KLRG1: variants seen among roughly 807,000 people sequenced by gnomAD.
KLRG1 encodes killer cell lectin like receptor G1, also known as killer cell lectin-like receptor subfamily G member 1.
KLRG1 carries 16 observed loss-of-function variants against 21.8 expected under a neutral mutation model. The ratio of observed to expected loss-of-function variants is 0.73; its 90% CI spans 0.50 to 1.11. KLRG1 has a LOEUF of 1.11. Among genes scored for constraint, KLRG1 ranks in the 50% most tolerant of loss-of-function variants. KLRG1 has a pLI of 0.00. For synonymous variants in KLRG1, 69 were observed against 75.9 expected (o/e 0.91, Z 0.47); for missense variants, 173 against 218.3 (o/e 0.79, Z 1.31).
downstream of KLRG1, among the ~76,000 whole-genome samples, chr12:9,015,617 A>G (rs1947689388): frequency 6.6e-6 from 1 of 152,224 alleles, no homozygotes; most frequent in Non-Finnish European, 1.5e-5. Context: ...CAGAACATCA[A>G]CAAAGAAACA....
chr12:9,106,606 C>T, the KLRG1 span: 2 of 1,503,764 alleles, frequency 1.3e-6, no homozygotes, highest in East Asian at 4.7e-5. Context: ...GGCTGTTTAG[C>T]TAAGAAGGGA....
intron 1 of KLRG1, among the ~76,000 whole-genome samples, chr12:8,965,537 C>A (rs1946455059): frequency 6.6e-6 from 1 of 152,052 alleles, no homozygotes; most frequent in South Asian, 2.1e-4. Flanking sequence ...TTCTTATACA[C>A]CAATAACAGA....
the KLRG1 span, among the ~76,000 whole-genome samples, chr12:9,054,709 G>T: frequency 1.6e-4 from 25 of 152,170 alleles, no homozygotes; most frequent in African/African-American, 6.0e-4. Flanking sequence ...GGTAAAATTG[G>T]TTTTGTTCTA....
At chr12:8,971,025 T>C (rs1322307297) in intron 1 of KLRG1, 3 of 152,200 alleles carry the variant, frequency 2.0e-5, no homozygotes, top group African/African-American at 7.2e-5. Context: ...TTCATGTCTA[T>C]AATCTTGAAG....
At chr12:9,043,233 C>T in the KLRG1 span, among the ~76,000 whole-genome samples, 4 of 151,970 alleles carry the variant, frequency 2.6e-5, no homozygotes, top group Non-Finnish European at 5.9e-5. Context: ...CCCACCACCA[C>T]GCCGGTTAAT....
chr12:9,077,911 C>T, the KLRG1 span: 2 of 1,608,686 alleles, frequency 1.2e-6, no homozygotes, highest in Middle Eastern at 1.7e-4. Flanking sequence ...GGTTTTATAA[C>T]CACTTCACAG....
chr12:9,143,696 G>A, the KLRG1 span, among the ~76,000 whole-genome samples: 6 of 152,166 alleles, frequency 3.9e-5, no homozygotes, highest in Non-Finnish European at 7.4e-5. Context: ...TGCCATTTTC[G>A]GGCCATTAGC....
the KLRG1 span, chr12:9,072,319 G>T: frequency 6.2e-7 from 1 of 1,605,132 alleles, no homozygotes; most frequent in Admixed American, 1.7e-5. Context: ...AAGACTGGTG[G>T]TTATTCTTAG....
chr12:9,074,705 G>A, the KLRG1 span: 1 of 1,614,000 alleles, frequency 6.2e-7, no homozygotes, highest in Non-Finnish European at 8.5e-7. Flanking sequence ...CTCCACCTCA[G>A]CAGAGGGAGC....
At position 9,010,265 on chromosome 12, in the gene KLRG1, A is replaced by G. The variant is rs1014114267; in HGVS notation, c.*728A>G. 40 of 470,880 alleles carry G rather than the reference A, an allele frequency of 8.5e-5. No homozygotes were observed. The highest frequency in any genetic ancestry group is 2.2e-4 in the Admixed American group (6 of 27,458). The allele number at this position is 470,880 out of a possible 1,614,324, so 29.2% of individuals were successfully genotyped here. A position where few individuals can be genotyped will look rare whatever the true frequency, so the allele number is the denominator to read the frequency against. The stretch of plus-strand genomic sequence containing the variant: ...GGCAAGGTGGTACTTCCTCCTTCTG[A>G]GCTCTTCACACGTAATGCAAAAACC... On this transcript the variant is annotated 3_prime_UTR_variant, in exon 5 of 5. Transcript: ENST00000356986.
the KLRG1 span, among the ~76,000 whole-genome samples, chr12:9,040,201 G>A: frequency 6.6e-6 from 1 of 152,156 alleles, no homozygotes; most frequent in Non-Finnish European, 1.5e-5. Flanking sequence ...TTCAGTATAT[G>A]GCACAGACTC....
the KLRG1 span, among the ~76,000 whole-genome samples, chr12:9,084,839 T>C: frequency 3.3e-5 from 5 of 152,110 alleles, no homozygotes; most frequent in African/African-American, 1.2e-4. Flanking sequence ...AGGAAAAAGA[T>C]GTTCTAGGTA....
chr12:9,139,531 A>G, the KLRG1 span, among the ~76,000 whole-genome samples: 2 of 152,142 alleles, frequency 1.3e-5, no homozygotes, highest in Admixed American at 1.3e-4. Context: ...ATAGTATTGA[A>G]GTTTCCTACT....
the KLRG1 span, chr12:9,192,074 T>C: frequency 1.2e-6 from 1 of 816,880 alleles, no homozygotes. Context: ...AGTATTTTCC[T>C]GCGTGTCCTC....
chr12:9,149,439 G>A, the KLRG1 span: 17 of 965,228 alleles, frequency 1.8e-5, no homozygotes, highest in Non-Finnish European at 1.5e-6. Context: ...GTCTTGGTGT[G>A]AGGACATGCC....
the KLRG1 span, among the ~76,000 whole-genome samples, chr12:9,190,827 AAG>A: frequency 4.6e-5 from 7 of 152,220 alleles, no homozygotes; most frequent in Non-Finnish European, 1.0e-4. Flanking sequence ...ATAGTGTGAA[AAG>A]AGAACAATAT....
the KLRG1 span, among the ~76,000 whole-genome samples, chr12:9,136,884 CT>C: frequency 3.3e-5 from 5 of 152,020 alleles, no homozygotes; most frequent in African/African-American, 1.2e-4. Flanking sequence ...AGTTTTTTTG[CT>C]GTTGAGTTGA....
the KLRG1 span, chr12:9,165,130 T>G: frequency 6.2e-7 from 1 of 1,612,764 alleles, no homozygotes; most frequent in Non-Finnish European, 8.5e-7. Flanking sequence ...TCACCCTCAT[T>G]TTCCTTACCC....
chr12:9,104,361 T>C, the KLRG1 span: 2 of 1,603,170 alleles, frequency 1.2e-6, no homozygotes, highest in Non-Finnish European at 1.7e-6. Flanking sequence ...AATATGACTT[T>C]ATTTGGTATA....
Sources: gnomAD v4.1 joint callset for allele counts (sites outside exome capture counted in the v4.1 genomes callset) on GRCh38, gnomAD v4.1.1 for gene constraint, MANE v1.5 for transcripts, NCBI Gene and HGNC (gene_info 2026-07-23, HGNC 2026-07-21) for gene names.